Variants in THRB observed in about 807,000 individuals in gnomAD.
The protein encoded by THRB is nuclear receptor subfamily 1 group A member 2.
A neutral mutation model predicts 47.8 loss-of-function variants in THRB; 12 were observed. The ratio of observed to expected loss-of-function variants is 0.25; its 90% confidence interval spans 0.16 to 0.41. The LOEUF is 0.41. Ranked by LOEUF, THRB falls within the 10% of genes least tolerant of loss-of-function variation. THRB has a pLI of 1.00. For missense variants in THRB, 348 were observed against 589.2 expected, an observed-to-expected ratio of 0.59 and a Z score of 4.24; for synonymous variants, 218 against 212.2, an observed-to-expected ratio of 1.03 and a Z score of -0.24.
intron 1 of THRB, among the ~76,000 whole-genome samples, chr3:24,343,358 G>T (rs2062804886): frequency 6.6e-6 from 1 of 151,996 alleles, no homozygotes; most frequent in Non-Finnish European, 1.5e-5. Flanking sequence ...TCTTTAATGA[G>T]GGTCAAAAAC....
chr3:24,491,356 C>T (rs545180820), intron 1 of THRB, among the ~76,000 whole-genome samples: 1 of 152,266 alleles, frequency 6.6e-6, no homozygotes, highest in East Asian at 1.9e-4. Flanking sequence ...TTATAATTTC[C>T]TTTTGCTCTC....
At chr3:24,344,121 A>C (rs1294458398) in intron 1 of THRB, among the ~76,000 whole-genome samples, 1 of 151,804 alleles carries the variant, frequency 6.6e-6, no homozygotes, top group Non-Finnish European at 1.5e-5. Flanking sequence ...TTACATGAAA[A>C]CTTACTCTAT....
chr3:24,261,673 C>T (rs2052052547), intron 3 of THRB, among the ~76,000 whole-genome samples: 3 of 152,124 alleles, frequency 2.0e-5, no homozygotes, highest in African/African-American at 7.2e-5. Context: ...AGTTCTCTCC[C>T]CACTCTTCAA....
At chr3:24,227,915 C>G (rs1169034019) in intron 4 of THRB, among the ~76,000 whole-genome samples, 1 of 152,164 alleles carries the variant, frequency 6.6e-6, no homozygotes, top group Admixed American at 6.5e-5. Flanking sequence ...AAACTCACAG[C>G]TCATGGGTTG....
In THRB at chr3:24,121,196, C is replaced by T. The variant is rs2031623876; in HGVS notation, c.*1688G>A. Reference sequence around the variant, plus strand: ...GCAGGAAGGGTTTTAGAGATCATGACTTATTCACCAGGTAAGAAAACCAAG... The same window carrying T: ...GCAGGAAGGGTTTTAGAGATCATGATTTATTCACCAGGTAAGAAAACCAAG... On this transcript the variant is annotated 3_prime_UTR_variant, in exon 11 of 11. Transcript: ENST00000646209. The T allele has an allele frequency of 6.6e-6, 1 of 152,186 alleles. No homozygotes were observed. Among genetic ancestry groups the T allele is most frequent in the South Asian group, 2.1e-4 (1 of 4,820 alleles). The allele number at this position is 152,186 out of a possible 1,614,324, so 9.4% of individuals were successfully genotyped here.
chr3:24,124,619 C>A (rs2032363592), intron 10 of THRB, among the ~76,000 whole-genome samples: 1 of 152,170 alleles, frequency 6.6e-6, no homozygotes, highest in African/African-American at 2.4e-5. Context: ...GACTGAAGAC[C>A]ATTTTAACTC....
rs1037848055 is a variant in THRB at position 24,118,114 on chromosome 3, C to T, written c.*4770G>A. The stretch of plus-strand genomic sequence containing the variant: ...TTTATGAAATAAATGTCCTTACATC[C>T]GTGGTTCCGTCTTTTGGCAGCAGCT... On this transcript the variant is annotated 3_prime_UTR_variant, in exon 11 of 11. Transcript: ENST00000646209. The T allele has an allele frequency of 1.3e-5, 2 of 152,492 alleles. No homozygotes were observed. Among genetic ancestry groups the T allele is most frequent in the African/African-American group, 4.8e-5 (2 of 41,398 alleles). 9.4% of individuals were successfully genotyped at this position (152,492 alleles called of 1,614,324 possible).
chr3:24,248,075 T>G (rs945250089), intron 3 of THRB, among the ~76,000 whole-genome samples: 1 of 152,058 alleles, frequency 6.6e-6, no homozygotes, highest in African/African-American at 2.4e-5. Flanking sequence ...CATTTCTGAG[T>G]TCAGTAAAGG....
chr3:24,468,212 T>C (rs1577798937), intron 1 of THRB, among the ~76,000 whole-genome samples: 1 of 152,222 alleles, frequency 6.6e-6, no homozygotes, highest in South Asian at 2.1e-4. Flanking sequence ...GGCTTTGCTG[T>C]AGATTAGGCT....
intron 1 of THRB, among the ~76,000 whole-genome samples, chr3:24,491,600 T>C (rs952990670): frequency 1.3e-5 from 2 of 152,240 alleles, no homozygotes; most frequent in Non-Finnish European, 2.9e-5. Flanking sequence ...CTATCTTGTG[T>C]TGGATCCTGA....
intron 1 of THRB, among the ~76,000 whole-genome samples, chr3:24,423,444 G>C (rs2069463812): frequency 6.6e-6 from 1 of 151,620 alleles, no homozygotes; most frequent in South Asian, 2.1e-4. Context: ...AAAGTGGAAA[G>C]CACAACTATT....
At chr3:24,243,026 T>C (rs1001243048) in intron 3 of THRB, among the ~76,000 whole-genome samples, 2 of 142,204 alleles carry the variant, frequency 1.4e-5, no homozygotes, top group Admixed American at 7.6e-5. Context: ...AAAGCTCTCA[T>C]GGTCAACCTG....
At position 24,230,667 on chromosome 3, in the gene THRB, A is replaced by G. The variant is rs530783501; in HGVS notation, c.-42-1666T>C. ...TGCTCCTCTTAGAAACTGTGCTGCC[A>G]TTAACCACCCCCTCTGAACCCATGG... On this transcript the variant is annotated intron_variant, in intron 3 of 10. Transcript: ENST00000646209. Among the ~76,000 whole-genome samples, 178 of 152,270 alleles carry G rather than the reference A, an allele frequency of 1.2e-3. 1 individual carries two copies. Among genetic ancestry groups the G allele is most frequent in the Admixed American group, 3.1e-3 (47 of 15,286 alleles).
intron 9 of THRB, among the ~76,000 whole-genome samples, chr3:24,132,357 G>T (rs1423014732): frequency 2.6e-5 from 4 of 152,152 alleles, no homozygotes; most frequent in African/African-American, 7.2e-5. Context: ...TAAAAAAGAA[G>T]AAGGTTAGAG....
chr3:24,433,187 T>C (rs1164385075), intron 1 of THRB, among the ~76,000 whole-genome samples: 4 of 152,148 alleles, frequency 2.6e-5, no homozygotes, highest in South Asian at 4.1e-4. Context: ...TGTAGTGGGT[T>C]AAATAATGAC....
intron 2 of THRB, among the ~76,000 whole-genome samples, chr3:24,307,757 T>C (rs1230532408): frequency 6.6e-6 from 1 of 152,184 alleles, no homozygotes; most frequent in Non-Finnish European, 1.5e-5. Context: ...TTCCAAACCA[T>C]TTGCTTAAAG....
At chr3:24,314,862 C>A (rs1296925591) in intron 2 of THRB, among the ~76,000 whole-genome samples, 2 of 152,122 alleles carry the variant, frequency 1.3e-5, no homozygotes, top group African/African-American at 4.8e-5. Flanking sequence ...ATTTTTTATT[C>A]ATATATTCCT....
At chr3:24,173,294 T>G (rs2040682341) in intron 5 of THRB, among the ~76,000 whole-genome samples, 1 of 152,174 alleles carries the variant, frequency 6.6e-6, no homozygotes, top group Admixed American at 6.6e-5. Flanking sequence ...TTCTCAAAAC[T>G]TCTGTCTTCT....
chr3:24,186,220 C>A (rs826215), intron 5 of THRB, among the ~76,000 whole-genome samples: 1 of 151,932 alleles, frequency 6.6e-6, no homozygotes, highest in African/African-American at 2.4e-5. Flanking sequence ...TAGAGATTCA[C>A]TAGTCTGGGT....
Sources: gnomAD v4.1 joint callset for allele counts (sites outside exome capture counted in the v4.1 genomes callset) on GRCh38, gnomAD v4.1.1 for gene constraint, MANE v1.5 for transcripts, NCBI Gene and HGNC (gene_info 2026-07-23, HGNC 2026-07-21) for gene names.